PLCB4: variants seen among roughly 807,000 people sequenced by gnomAD.
The protein encoded by PLCB4 is 1-phosphatidylinositol 4,5-bisphosphate phosphodiesterase beta-4.
Under a neutral mutation model 178.8 loss-of-function variants are expected in PLCB4, and 77 were observed. That is an observed-to-expected ratio of 0.43 (90% CI 0.36 to 0.52). The LOEUF (loss-of-function observed/expected upper bound fraction) is 0.52. Among genes scored for constraint, PLCB4 ranks in the 20% least tolerant of loss-of-function variants. The probability of loss-of-function intolerance (pLI) is 0.00; values close to 1 mark genes in which losing one functional copy is unlikely to be tolerated. For synonymous variants in PLCB4, 496 were observed against 490.8 expected (o/e 1.01, Z -0.14); for missense variants, 1,024 against 1,453.4 (o/e 0.70, Z 4.80).
chr20:9,271,175 A>G (rs113674363), intron 3 of PLCB4, among the ~76,000 whole-genome samples: 18 of 152,140 alleles, frequency 1.2e-4, no homozygotes, highest in African/African-American at 4.1e-4. Context: ...GAAGTGTTCT[A>G]TGATTGTTCA....
Position 9,121,536 on chromosome 20 carries a change from C to G in PLCB4, c.-79+25194C>G, listed in dbSNP as rs868756747. 3.3e-5 allele frequency among the ~76,000 whole-genome samples: 5 copies of G among 152,236 alleles called. No individual in the cohort carries two copies. The Middle Eastern group carries it at 0.014, about 414-fold the overall frequency. ...TGTCTGGTCTAAATGTAGGAAGTGG[C>G]TTGTTTATAATTTCCTAGCACAAGT... On this transcript the variant is annotated intron_variant, in intron 2 of 39. Transcript: ENST00000378473.
intron 2 of PLCB4, among the ~76,000 whole-genome samples, chr20:9,194,941 T>G (rs750734475): frequency 2.0e-5 from 3 of 152,188 alleles, no homozygotes; most frequent in Non-Finnish European, 4.4e-5. Flanking sequence ...TCTCTTTTTG[T>G]GCAGTAAGCA....
chr20:9,276,287 G>A (rs1049055659), intron 3 of PLCB4, among the ~76,000 whole-genome samples: 2 of 152,030 alleles, frequency 1.3e-5, no homozygotes, highest in African/African-American at 4.8e-5. Context: ...CTAGAAGGAC[G>A]AAATCACCAA....
intron 1 of PLCB4, among the ~76,000 whole-genome samples, chr20:9,073,487 A>G (rs540823921): frequency 8.5e-4 from 130 of 152,326 alleles, no homozygotes; most frequent in African/African-American, 3.0e-3. Flanking sequence ...AGAGAAACAC[A>G]TGTATTACTT....
intron 12 of PLCB4, among the ~76,000 whole-genome samples, chr20:9,378,948 T>G (rs2036911734): frequency 6.6e-6 from 1 of 152,154 alleles, no homozygotes; most frequent in Non-Finnish European, 1.5e-5. Flanking sequence ...CTTTTAACAG[T>G]TGCTTTTTAA....
At chr20:9,338,669 C>T (rs1316287489) in intron 6 of PLCB4, among the ~76,000 whole-genome samples, 1 of 152,130 alleles carries the variant, frequency 6.6e-6, no homozygotes, top group Non-Finnish European at 1.5e-5. Flanking sequence ...AGAGCAGAGA[C>T]TCTGTACCTC....
intron 2 of PLCB4, among the ~76,000 whole-genome samples, chr20:9,133,580 T>C (rs1195062809): frequency 6.6e-6 from 1 of 152,178 alleles, no homozygotes; most frequent in African/African-American, 2.4e-5. Context: ...AATTACTTTT[T>C]AAAATCTGTT....
At position 9,444,270 on chromosome 20, in the gene PLCB4, G is replaced by A. The variant is rs371051223; in HGVS notation, c.2880+27G>A. The A allele has an allele frequency of 4.3e-6, 6 of 1,390,058 alleles. No individual in the cohort carries two copies. The African/African-American group carries it at 8.6e-5, about 20-fold the overall frequency. The allele number at this position is 1,390,058 out of a possible 1,614,324, so 86.1% of individuals were successfully genotyped here. A position where few individuals can be genotyped will look rare whatever the true frequency, so the allele number is the denominator to read the frequency against. On this transcript the variant is annotated intron_variant, in intron 32 of 39. Transcript: ENST00000378473. ...TACAGTGCTCTACAGCTACTATTTT[G>A]TGTTATGTATGGATGAATCATTTGT...
intron 30 of PLCB4, among the ~76,000 whole-genome samples, chr20:9,441,357 C>T (rs1465414189): frequency 6.6e-6 from 1 of 152,158 alleles, no homozygotes; most frequent in Non-Finnish European, 1.5e-5. Context: ...ATAAACTCTA[C>T]TCCAGGAGCC....
At position 9,337,203 on chromosome 20, in the gene PLCB4, C is replaced by A; in HGVS notation, c.162C>A (p.Gly54=). 1 of 1,609,006 alleles carries A rather than the reference C, an allele frequency of 6.2e-7. No individual in the cohort carries two copies. Residue 54 remains glycine (G), a synonymous_variant, in exon 5 of 40, where the codon GGC becomes GGA. Transcript: ENST00000378473. The part of the protein sequence containing the change: ...FGFFLTWRSE[G]KEGQVLECSL... Reference sequence around the variant, plus strand: ...TCTTTCTGACATGGAGAAGTGAAGGCAAGGTATGGCCCAAGAAGAGCAAGT... The same window carrying A: ...TCTTTCTGACATGGAGAAGTGAAGGAAAGGTATGGCCCAAGAAGAGCAAGT...
intron 1 of PLCB4, among the ~76,000 whole-genome samples, chr20:9,084,063 C>T (rs2146530523): frequency 6.6e-6 from 1 of 152,284 alleles, no homozygotes; most frequent in South Asian, 2.1e-4. Flanking sequence ...ATAATTTTGG[C>T]ATTTGAACAC....
chr20:9,217,571 AT>A (rs1331914993), intron 3 of PLCB4, 119 bp downstream of exon 3: 1 of 152,186 alleles, frequency 6.6e-6, no homozygotes, highest in Non-Finnish European at 1.5e-5. Flanking sequence ...CTCAAAACTG[AT>A]TCACAGACAT....
intron 3 of PLCB4, among the ~76,000 whole-genome samples, chr20:9,235,054 G>GT (rs796782757): frequency 3.9e-5 from 6 of 152,286 alleles, no homozygotes; most frequent in African/African-American, 1.4e-4. Flanking sequence ...AGGGAGTGAA[G>GT]AGTGGTTGTA....
intron 2 of PLCB4, among the ~76,000 whole-genome samples, chr20:9,152,412 A>G (rs1423322527): frequency 6.6e-6 from 1 of 152,124 alleles, no homozygotes; most frequent in Non-Finnish European, 1.5e-5. Flanking sequence ...CAGCCTAGGG[A>G]CATAGTGCCT....
At chr20:9,135,146 C>A (rs1269382667) in intron 2 of PLCB4, among the ~76,000 whole-genome samples, 2 of 152,016 alleles carry the variant, frequency 1.3e-5, no homozygotes, top group Non-Finnish European at 2.9e-5. Context: ...AACTTCTGCA[C>A]AATGTGTGTG....
intron 4 of PLCB4, among the ~76,000 whole-genome samples, chr20:9,330,608 C>A (rs912261376): frequency 6.6e-6 from 1 of 152,190 alleles, no homozygotes; most frequent in Admixed American, 6.5e-5. Flanking sequence ...TCCTCTGAAC[C>A]TTTTTCCCCC....
chr20:9,324,670 C>CT (rs2030127427), intron 4 of PLCB4, among the ~76,000 whole-genome samples: 2 of 152,130 alleles, frequency 1.3e-5, no homozygotes, highest in South Asian at 4.1e-4. Context: ...GCAGAATTCT[C>CT]TAGGTGGTAG....
intron 32 of PLCB4, among the ~76,000 whole-genome samples, chr20:9,451,622 T>C (rs1242418426): frequency 6.6e-6 from 1 of 152,178 alleles, no homozygotes; most frequent in Non-Finnish European, 1.5e-5. Flanking sequence ...CCTGGGGCAG[T>C]AGATCAAGCA....
At chr20:9,405,970 A>G (rs2039404849) in intron 21 of PLCB4, among the ~76,000 whole-genome samples, 1 of 152,148 alleles carries the variant, frequency 6.6e-6, no homozygotes, top group Non-Finnish European at 1.5e-5. Context: ...TGAAGTTGAG[A>G]TCGTATCTTC....
Sources: allele counts gnomAD v4.1 joint callset (sites outside exome capture counted in the v4.1 genomes callset), GRCh38; gene constraint gnomAD v4.1.1; transcripts MANE v1.5; gene names NCBI Gene and HGNC (gene_info 2026-07-23, HGNC 2026-07-21).